The following ABL2 variants were observed in gnomAD, a reference collection of about 807,000 sequenced individuals.
The protein encoded by ABL2 is ABL proto-oncogene 2, non-receptor tyrosine kinase, also known as tyrosine-protein kinase ABL2.
A neutral mutation model predicts 107.7 loss-of-function variants in ABL2; 49 were observed. That is an observed-to-expected ratio of 0.45 (90% CI 0.36 to 0.58). The LOEUF (loss-of-function observed/expected upper bound fraction) is 0.58, where lower values mean the gene tolerates loss of function less well. Among genes scored for constraint, ABL2 ranks in the 20% least tolerant of loss-of-function variants. The probability of loss-of-function intolerance (pLI) is 0.00; values close to 1 mark genes in which losing one functional copy is unlikely to be tolerated. For synonymous variants in ABL2, 549 were observed against 548.6 expected (o/e 1.00, Z -0.01); for missense variants, 1,245 against 1,457.0 (o/e 0.85, Z 2.37).
intron 1 of ABL2, among the ~76,000 whole-genome samples, chr1:179,197,520 G>T (rs1196393712): frequency 6.7e-6 from 1 of 149,144 alleles, no homozygotes; most frequent in African/African-American, 2.5e-5. Context: ...ACCAGGGAGG[G>T]TGTCTGATTT....
chr1:179,201,447 A>G (rs1049228725), intron 1 of ABL2: 10 of 201,590 alleles, frequency 5.0e-5, no homozygotes, highest in Non-Finnish European at 9.0e-5. Flanking sequence ...CTTAAGTAGA[A>G]TATCTATGAG....
At chr1:179,158,982 TATA>T (rs1049149165) in intron 1 of ABL2, among the ~76,000 whole-genome samples, 11 of 152,230 alleles carry the variant, frequency 7.2e-5, no homozygotes, top group Non-Finnish European at 1.5e-5. Flanking sequence ...TTAATTTAAT[TATA>T]ATAATAGCTG....
At position 179,213,739 on chromosome 1, in the gene ABL2, T is replaced by C. The variant is rs924263102; in HGVS notation, c.157+15502A>G. Among the ~76,000 whole-genome samples the C allele has an allele frequency of 2.6e-5, 4 of 152,192 alleles. No homozygotes were observed. In the East Asian group the frequency reaches 7.7e-4, roughly 29 times the overall value. ...TTTTTTTCCATTTTAAATCTTGTCA[T>C]ATTCTTTGACTTCTAAAACTGCCTG... On this transcript the variant is annotated intron_variant, in intron 1 of 11. Transcript: ENST00000502732.
At position 179,101,497 on chromosome 1, in the gene ABL2, G is replaced by A. The variant is rs142412482; in HGVS notation, c.*6221C>T. The A allele has an allele frequency of 1.4e-3, 246 of 174,756 alleles. 1 individual carries two copies. The highest frequency in any genetic ancestry group is 5.4e-3 in the African/African-American group (226 of 41,992). The allele number at this position is 174,756 out of a possible 1,614,324, so 10.8% of individuals were successfully genotyped here. A position where few individuals can be genotyped will look rare whatever the true frequency, so the allele number is the denominator to read the frequency against. ...GTTCAAGCAATTCTGCCTCAGCCTC[G>A]GGAGTAGCTGGGATTACAGGCATGT... On this transcript the variant is annotated 3_prime_UTR_variant, in exon 12 of 12. Coordinates refer to ENST00000502732, the MANE Select transcript of ABL2 (RefSeq NM_007314.4).
chr1:179,135,710 C>T (rs1301995452), intron 1 of ABL2, among the ~76,000 whole-genome samples: 1 of 147,406 alleles, frequency 6.8e-6, no homozygotes, highest in Non-Finnish European at 1.5e-5. Flanking sequence ...TGCCTCTGCC[C>T]GGCCGCCCCT....
At position 179,105,186 on chromosome 1, in the gene ABL2, A is replaced by G; in HGVS notation, c.*2532T>C. 1 of 231,032 alleles carries G rather than the reference A, an allele frequency of 4.3e-6. No homozygotes were observed. The highest frequency in any genetic ancestry group is 6.1e-5 in the East Asian group (1 of 16,314). The allele number at this position is 231,032 out of a possible 1,614,324, so 14.3% of individuals were successfully genotyped here. Reference sequence around the variant, plus strand: ...CAGCTAGGTGCTGCCCCTGAGTAAGACACAGCCCCCACCCCCTACCCTTCA... The same window carrying G: ...CAGCTAGGTGCTGCCCCTGAGTAAGGCACAGCCCCCACCCCCTACCCTTCA... On this transcript the variant is annotated 3_prime_UTR_variant, in exon 12 of 12. Transcript: ENST00000502732.
chr1:179,229,269 C>A lies in ABL2; in HGVS notation c.129G>T (p.Glu43Asp), dbSNP rs868544684. The A allele has an allele frequency of 6.4e-7, 1 of 1,560,774 alleles. No homozygotes were observed. Among genetic ancestry groups the A allele is most frequent in the Non-Finnish European group, 8.7e-7 (1 of 1,154,408 alleles). The stretch of plus-strand genomic sequence containing the variant: ...GCTGGGTGAAGATATTGAAGCCGGT[C>A]TCTGTGGTGCGCCCCGCCGGGTCCC... ...RRRDPAGRTT[E>D]TGFNIFTQHD... Residue 43 changes from glutamate to aspartate, a missense_variant, in exon 1 of 12, where the codon GAG becomes GAT. Physicochemically the swap from Glu to Asp is conservative, Grantham distance 45. This residue lies in a region of ABL2 where 164 missense variants were observed against 143.7 expected (regional missense o/e 1.14). Coordinates refer to ENST00000502732, the MANE Select transcript of ABL2 (RefSeq NM_007314.4).
At chr1:179,164,086 T>A (rs965401) in intron 1 of ABL2, among the ~76,000 whole-genome samples, 53,500 of 152,036 alleles carry the variant, frequency 0.35, 9,768 homozygotes, top group East Asian at 0.48. Flanking sequence ...TGAGACAGTC[T>A]TTTGGGGTGA....
intron 1 of ABL2, among the ~76,000 whole-genome samples, chr1:179,135,124 G>T (rs1370005710): frequency 6.6e-6 from 1 of 152,202 alleles, no homozygotes; most frequent in Non-Finnish European, 1.5e-5. Flanking sequence ...CCAAAGTGCC[G>T]AGATTGCAGC....
intron 1 of ABL2, among the ~76,000 whole-genome samples, chr1:179,186,386 T>C (rs1367459668): frequency 6.6e-6 from 1 of 152,164 alleles, no homozygotes; most frequent in Non-Finnish European, 1.5e-5. Context: ...TTTGTTGTTG[T>C]TGTTGTTTTG....
chr1:179,121,988 C>T (rs374771519), intron 4 of ABL2, 121 bp from the exon 5 acceptor site: 27 of 975,136 alleles, frequency 2.8e-5, no homozygotes, highest in Non-Finnish European at 3.3e-5. Flanking sequence ...TGCACTGGCG[C>T]GATCTCGGCT....
chr1:179,161,485 A>T (rs1472806702), intron 1 of ABL2, among the ~76,000 whole-genome samples: 1 of 152,306 alleles, frequency 6.6e-6, no homozygotes, highest in South Asian at 2.1e-4. Flanking sequence ...TGGGAGACCA[A>T]GGTGGTAAAA....
At chr1:179,133,017 C>T (rs923025471) in intron 2 of ABL2, among the ~76,000 whole-genome samples, 4 of 151,932 alleles carry the variant, frequency 2.6e-5, no homozygotes, top group Non-Finnish European at 4.4e-5. Flanking sequence ...CGCCACCAAG[C>T]CCAGCTAAAT....
chr1:179,189,570 T>G (rs905484673), intron 1 of ABL2, among the ~76,000 whole-genome samples: 1 of 152,214 alleles, frequency 6.6e-6, no homozygotes, highest in Non-Finnish European at 1.5e-5. Flanking sequence ...GAAGTCGTTA[T>G]GTACATTCAT....
At chr1:179,118,974 T>C (rs1164286171) in intron 6 of ABL2, among the ~76,000 whole-genome samples, 1 of 152,202 alleles carries the variant, frequency 6.6e-6, no homozygotes, top group Non-Finnish European at 1.5e-5. Context: ...TCTCTGGGAA[T>C]TCATATGCCT....
intron 1 of ABL2, among the ~76,000 whole-genome samples, chr1:179,194,638 G>A (rs1440684682): frequency 6.6e-6 from 1 of 152,188 alleles, no homozygotes; most frequent in African/African-American, 2.4e-5. Flanking sequence ...CCAGCTAGCA[G>A]TATGACTGGA....
At chr1:179,196,496 G>C (rs770607207) in intron 1 of ABL2, 1 of 152,170 alleles carries the variant, frequency 6.6e-6, no homozygotes, top group African/African-American at 2.4e-5. Context: ...CCTTCTCCAA[G>C]GGGGACATCC....
rs1653645368 is a variant in ABL2 at position 179,108,222 on chromosome 1, T to C, written c.3045A>G (p.Thr1015=). 1 of 1,614,066 alleles carries C rather than the reference T, an allele frequency of 6.2e-7. No homozygotes were observed. The highest frequency in any genetic ancestry group is 8.5e-7 in the Non-Finnish European group (1 of 1,180,022). Residue 1015 remains threonine (T), a synonymous_variant, in exon 12 of 12, where the codon ACA becomes ACG. Transcript: ENST00000502732. ...TCTTTCCTCCTTCCTGTGTTTCTGA[T>C]GTGGACTGTCCTGCAGTTAGGGCAG... is the stretch of plus-strand genomic sequence containing the variant. ...EPTALTAGQS[T]SETQEGGKKA...
At chr1:179,146,403 C>A (rs1014181873) in intron 1 of ABL2, among the ~76,000 whole-genome samples, 14 of 152,156 alleles carry the variant, frequency 9.2e-5, no homozygotes, top group Admixed American at 5.9e-4. Context: ...ATGTAATTCA[C>A]TGAGAAGCAG....
Sources: gnomAD v4.1 joint callset for allele counts (sites outside exome capture counted in the v4.1 genomes callset) on GRCh38, gnomAD v4.1.1 for gene constraint, gnomAD v4.1.1 regional missense constraint, MANE v1.5 for transcripts, NCBI Gene and HGNC (gene_info 2026-07-23, HGNC 2026-07-21) for gene names.